The following ITPR2 variants were observed in gnomAD, a reference collection of about 807,000 sequenced individuals.
The protein encoded by ITPR2 is inositol 1,4,5-trisphosphate-gated calcium channel ITPR2.
ITPR2 carries 207 observed loss-of-function variants against 317.1 expected under a neutral mutation model. The observed-to-expected ratio is 0.65, with a 90% confidence interval of 0.58 to 0.73. ITPR2 has a LOEUF of 0.73. Among genes scored for constraint, ITPR2 ranks in the 30% least tolerant of loss-of-function variants. The pLI is 0.00. For synonymous variants in ITPR2, 1,156 were observed against 1,149.1 expected, an observed-to-expected ratio of 1.01 and a Z score of -0.12; for missense variants, 2,613 against 3,284.0, an observed-to-expected ratio of 0.80 and a Z score of 4.99.
intron 1 of ITPR2, among the ~76,000 whole-genome samples, chr12:26,798,424 A>C (rs1195247619): frequency 6.6e-6 from 1 of 152,142 alleles, no homozygotes. Flanking sequence ...TAATTTATAC[A>C]CTGTAGTTTG....
intron 50 of ITPR2, among the ~76,000 whole-genome samples, chr12:26,418,750 G>C (rs1940800399): frequency 6.6e-6 from 1 of 152,124 alleles, no homozygotes; most frequent in South Asian, 2.1e-4. Flanking sequence ...AATGTAAAGG[G>C]AAATATTAGT....
rs1942389433 is a variant in ITPR2 at position 26,475,199 on chromosome 12, A to T, written c.6342+97T>A. On this transcript the variant is annotated intron_variant, in intron 45 of 56. Transcript: ENST00000381340. ...AAACCTAGGATGGTAAGTGCTGAAT[A>T]AATGAAGGGACCAGAACTTGAAAAT... 4 of 1,391,532 alleles carry T rather than the reference A, an allele frequency of 2.9e-6. No homozygotes were observed. In the African/African-American group the frequency reaches 5.7e-5, roughly 20 times the overall value. 86.2% of individuals were successfully genotyped at this position (1,391,532 alleles called of 1,614,324 possible).
chr12:26,591,079 CAAAAAAAAAAAAA>C (rs34387951), intron 32 of ITPR2, among the ~76,000 whole-genome samples: 1 of 43,408 alleles, frequency 2.3e-5, no homozygotes, highest in African/African-American at 9.1e-5. Flanking sequence ...GACTCCATCT[CAAAAAAAAAAAAA>C]AAAAAAAAAA....
At chr12:26,769,756 A>T (rs12813295) in intron 2 of ITPR2, among the ~76,000 whole-genome samples, 55,567 of 152,068 alleles carry the variant, frequency 0.37, 12,684 homozygotes, top group Non-Finnish European at 0.53. Context: ...GATTTGATAT[A>T]TTAATATGCC....
intron 2 of ITPR2, among the ~76,000 whole-genome samples, chr12:26,732,837 T>C (rs1421442613): frequency 6.6e-6 from 1 of 152,162 alleles, no homozygotes. Context: ...TTAACAGCCC[T>C]AAATATCCTC....
At chr12:26,698,237 T>C (rs1259166765) in intron 9 of ITPR2, among the ~76,000 whole-genome samples, 4 of 152,126 alleles carry the variant, frequency 2.6e-5, no homozygotes, top group African/African-American at 7.2e-5. Flanking sequence ...CATTTGAAGA[T>C]GATAAGGGGA....
At chr12:26,528,117 T>TG (rs907836287) in intron 37 of ITPR2, among the ~76,000 whole-genome samples, 1 of 152,124 alleles carries the variant, frequency 6.6e-6, no homozygotes, top group East Asian at 1.9e-4. Context: ...GCCGTTAGGT[T>TG]GGGGGGAAAT....
intron 52 of ITPR2, among the ~76,000 whole-genome samples, chr12:26,409,387 T>G (rs1748796243): frequency 6.6e-6 from 1 of 152,226 alleles, no homozygotes; most frequent in Non-Finnish European, 1.5e-5. Flanking sequence ...AACAGTTTCT[T>G]TAAGAGAGAT....
intron 37 of ITPR2, among the ~76,000 whole-genome samples, chr12:26,516,536 G>T (rs1943524514): frequency 6.6e-6 from 1 of 152,074 alleles, no homozygotes. Context: ...ATATAAAGGG[G>T]AAAGGAAAGG....
intron 1 of ITPR2, among the ~76,000 whole-genome samples, chr12:26,802,921 T>C (rs1239699800): frequency 6.6e-6 from 1 of 152,178 alleles, no homozygotes; most frequent in African/African-American, 2.4e-5. Context: ...TTGAAACCTG[T>C]AATCAACAAG....
rs1259909388 is a variant in ITPR2 at position 26,404,269 on chromosome 12, A to G, written c.7400-4011T>C. 2.0e-5 allele frequency among the ~76,000 whole-genome samples: 3 copies of G among 152,192 alleles called. No individual in the cohort carries two copies. In the East Asian group the frequency reaches 5.8e-4, roughly 29 times the overall value. Reference sequence around the variant, plus strand: ...CTCCCAGCCATGGGTGACTTAGGAAAAGGATCGTCCCATTAGACCATAGAA... The same window carrying G: ...CTCCCAGCCATGGGTGACTTAGGAAGAGGATCGTCCCATTAGACCATAGAA... On this transcript the variant is annotated intron_variant, in intron 52 of 56. Coordinates refer to ENST00000381340, the MANE Select transcript of ITPR2 (RefSeq NM_002223.4).
intron 37 of ITPR2, among the ~76,000 whole-genome samples, chr12:26,538,884 T>C (rs1944178913): frequency 6.6e-6 from 1 of 152,172 alleles, no homozygotes; most frequent in South Asian, 2.1e-4. Flanking sequence ...CAGCCTGTGA[T>C]TCTTACCAGG....
chr12:26,408,293 T>C (rs1224603523), intron 52 of ITPR2, among the ~76,000 whole-genome samples: 1 of 152,176 alleles, frequency 6.6e-6, no homozygotes, highest in Admixed American at 6.5e-5. Flanking sequence ...AAGGCTTTTA[T>C]TATATTATCA....
At chr12:26,523,377 G>A (rs1296711713) in intron 37 of ITPR2, among the ~76,000 whole-genome samples, 3 of 152,140 alleles carry the variant, frequency 2.0e-5, no homozygotes, top group Non-Finnish European at 1.5e-5. Context: ...TTGAACTCAC[G>A]ATTTGACACT....
At chr12:26,670,818 T>C (rs1411962757) in intron 13 of ITPR2, among the ~76,000 whole-genome samples, 1 of 152,142 alleles carries the variant, frequency 6.6e-6, no homozygotes, top group African/African-American at 2.4e-5. Context: ...TTTAGACGAA[T>C]GTATAACTAG....
intron 45 of ITPR2, among the ~76,000 whole-genome samples, chr12:26,452,958 A>G (rs1042126550): frequency 6.6e-6 from 1 of 152,192 alleles, no homozygotes; most frequent in African/African-American, 2.4e-5. Context: ...GGAGGTTTGT[A>G]TAATTATATG....
chr12:26,698,064 C>A (rs551054923), intron 9 of ITPR2, among the ~76,000 whole-genome samples: 1 of 151,998 alleles, frequency 6.6e-6, no homozygotes. Context: ...GAAGAGACAA[C>A]CAACTAATGA....
chr12:26,621,022 G>T, intron 26 of ITPR2, 101 bp downstream of exon 26: 1 of 1,132,116 alleles, frequency 8.8e-7, no homozygotes, highest in African/African-American at 1.6e-5. Context: ...GCTCAGAACA[G>T]AATTTTTCTT....
At chr12:26,430,307 A>G (rs570083344) in intron 48 of ITPR2, among the ~76,000 whole-genome samples, 12 of 152,236 alleles carry the variant, frequency 7.9e-5, no homozygotes, top group Non-Finnish European at 1.5e-4. Flanking sequence ...TCTGTCACCC[A>G]GGCTGGAGTG....
Sources: gnomAD v4.1 joint callset for allele counts (sites outside exome capture counted in the v4.1 genomes callset) on GRCh38, gnomAD v4.1.1 for gene constraint, MANE v1.5 for transcripts, NCBI Gene and HGNC (gene_info 2026-07-23, HGNC 2026-07-21) for gene names.